Variants in CNBD1 observed in about 807,000 individuals in gnomAD.
CNBD1 encodes cyclic nucleotide-binding domain-containing protein 1.
In CNBD1, 71 loss-of-function variants were observed where a neutral mutation model predicts 54.4. The observed-to-expected ratio is 1.30, with a 90% confidence interval of 1.08 to 1.59. CNBD1 has a LOEUF of 1.59. Among genes scored for constraint, CNBD1 ranks in the 40% most tolerant of loss-of-function variants. The pLI, the probability that CNBD1 is intolerant of heterozygous loss-of-function variation, is 0.00. For missense variants in CNBD1, 659 were observed against 518.0 expected, an observed-to-expected ratio of 1.27 and a Z score of -2.64; for synonymous variants, 182 against 170.7, an observed-to-expected ratio of 1.07 and a Z score of -0.51.
At chr8:86,991,465 C>A (rs1808746726) in intron 4 of CNBD1, among the ~76,000 whole-genome samples, 1 of 151,956 alleles carries the variant, frequency 6.6e-6, no homozygotes, top group Non-Finnish European at 1.5e-5. Context: ...TGAAGAACCA[C>A]CCTTGGTTTC....
intron 4 of CNBD1, among the ~76,000 whole-genome samples, chr8:87,075,688 C>A (rs996854039): frequency 6.6e-6 from 1 of 152,178 alleles, no homozygotes. Context: ...TGGCAATAAT[C>A]ATTGTGTCCC....
chr8:87,037,155 G>T (rs1412312748), intron 4 of CNBD1, among the ~76,000 whole-genome samples: 1 of 152,008 alleles, frequency 6.6e-6, no homozygotes, highest in African/African-American at 2.4e-5. Context: ...TTGGAATTTT[G>T]TTTCCTTACT....
At chr8:87,157,003 G>A (rs897807259) in intron 4 of CNBD1, among the ~76,000 whole-genome samples, 4 of 152,114 alleles carry the variant, frequency 2.6e-5, no homozygotes, top group African/African-American at 9.7e-5. Flanking sequence ...AAGGCACAGA[G>A]CTAAATGAGC....
chr8:87,219,703 G>A (rs892104974), intron 5 of CNBD1, among the ~76,000 whole-genome samples: 2 of 151,904 alleles, frequency 1.3e-5, no homozygotes, highest in Non-Finnish European at 2.9e-5. Flanking sequence ...AAGAAACACA[G>A]TTTCTAAACT....
At chr8:87,397,639 A>G (rs1170010523) in intron 2 of CNBD1, among the ~76,000 whole-genome samples, 1 of 151,984 alleles carries the variant, frequency 6.6e-6, no homozygotes, top group Non-Finnish European at 1.5e-5. Context: ...TTAGTGCAAC[A>G]TAAAATAACC....
chr8:87,410,601 A>G (rs1347183053), intron 2 of CNBD1, among the ~76,000 whole-genome samples: 15 of 152,176 alleles, frequency 9.9e-5, no homozygotes, highest in Non-Finnish European at 2.2e-4. Context: ...AATTTAGAAT[A>G]TTACATAAAC....
chr8:86,868,013 C>A (rs1808388975), intron 1 of CNBD1, among the ~76,000 whole-genome samples: 1 of 152,122 alleles, frequency 6.6e-6, no homozygotes, highest in Non-Finnish European at 1.5e-5. Context: ...AGGACGTGCC[C>A]TGCTTGCCTT....
chr8:86,960,436 A>T (rs1807898921), intron 4 of CNBD1, among the ~76,000 whole-genome samples: 1 of 151,972 alleles, frequency 6.6e-6, no homozygotes, highest in Non-Finnish European at 1.5e-5. Context: ...AGGCTGGGGG[A>T]GGGGCGTCCA....
chr8:86,936,320 T>C (rs1675861113), intron 3 of CNBD1, among the ~76,000 whole-genome samples: 1 of 152,098 alleles, frequency 6.6e-6, no homozygotes, highest in Non-Finnish European at 1.5e-5. Flanking sequence ...AATTATAAAA[T>C]TAAAAACTCC....
intron 5 of CNBD1, among the ~76,000 whole-genome samples, chr8:87,225,779 C>G (rs1012662667): frequency 1.2e-4 from 18 of 150,036 alleles, no homozygotes; most frequent in African/African-American, 4.5e-4. Context: ...AGGATTCCCT[C>G]TTTTTCTATT....
rs561176444 is a variant in CNBD1 at position 86,966,831 on chromosome 8, C to A, written c.431+27077C>A. 4.6e-4 allele frequency among the ~76,000 whole-genome samples: 70 copies of A among 152,272 alleles called. No homozygotes were observed. The South Asian group carries it at 0.014, about 31-fold the overall frequency. ...GAGCAAAAGAACAAAGCTTCCACAG[C>A]ATGGAAGAGGACCCTAGGGGGTTGC... is the stretch of plus-strand genomic sequence containing the variant. On this transcript the variant is annotated intron_variant, in intron 4 of 10. Coordinates refer to ENST00000518476, the MANE Select transcript of CNBD1 (RefSeq NM_173538.3).
chr8:87,036,454 C>T (rs972170524), intron 4 of CNBD1, among the ~76,000 whole-genome samples: 37 of 151,722 alleles, frequency 2.4e-4, no homozygotes, highest in African/African-American at 8.5e-4. Context: ...ATTAGCCAGG[C>T]GTGGTGGTGG....
At chr8:87,167,449 C>T (rs1392906828) in intron 4 of CNBD1, among the ~76,000 whole-genome samples, 1 of 151,604 alleles carries the variant, frequency 6.6e-6, no homozygotes, top group Non-Finnish European at 1.5e-5. Flanking sequence ...AACACTAGAA[C>T]ATTTTTTGTT....
chr8:87,172,904 C>T (rs1238697310), intron 4 of CNBD1, among the ~76,000 whole-genome samples: 1 of 151,892 alleles, frequency 6.6e-6, no homozygotes, highest in Non-Finnish European at 1.5e-5. Context: ...GATCTAATTC[C>T]TTCCATTTTG....
At chr8:87,403,227 T>C (rs1287043221) in intron 2 of CNBD1, among the ~76,000 whole-genome samples, 1 of 152,090 alleles carries the variant, frequency 6.6e-6, no homozygotes, top group East Asian at 1.9e-4. Flanking sequence ...TATTAAACAC[T>C]TCTGCTGGTG....
At chr8:86,903,338 T>C (rs61547210) in intron 2 of CNBD1, among the ~76,000 whole-genome samples, 1,959 of 152,272 alleles carry the variant, frequency 0.013, 33 homozygotes, top group Middle Eastern at 0.041. Context: ...ATAAATTTTT[T>C]ATCCACTCCA....
At chr8:87,423,432 T>A (rs1426877490) in intron 2 of CNBD1, among the ~76,000 whole-genome samples, 1 of 151,820 alleles carries the variant, frequency 6.6e-6, no homozygotes, top group South Asian at 2.1e-4. Flanking sequence ...TAGCTCTTAT[T>A]ATTTTGAAAT....
intron 8 of CNBD1, among the ~76,000 whole-genome samples, chr8:87,339,467 G>T (rs901731197): frequency 6.6e-5 from 10 of 151,460 alleles, no homozygotes; most frequent in African/African-American, 2.4e-4. Context: ...CCAATTTCTG[G>T]GGCAGTGGTT....
intron 8 of CNBD1, among the ~76,000 whole-genome samples, chr8:87,336,896 T>G (rs1746715662): frequency 1.3e-5 from 2 of 152,162 alleles, no homozygotes; most frequent in Admixed American, 1.3e-4. Context: ...CTTTTTTTGT[T>G]GATGCTGCTG....
Sources: allele counts gnomAD v4.1 joint callset (sites outside exome capture counted in the v4.1 genomes callset), GRCh38; gene constraint gnomAD v4.1.1; transcripts MANE v1.5; gene names NCBI Gene and HGNC (gene_info 2026-07-23, HGNC 2026-07-21).